Variants in GLIS3 observed in about 807,000 individuals in gnomAD.
GLIS3 encodes the protein GLIS family zinc finger 3.
In GLIS3, 53 loss-of-function variants were observed where a neutral mutation model predicts 78.6. The ratio of observed to expected loss-of-function variants is 0.67; its 90% CI spans 0.54 to 0.85. The LOEUF (loss-of-function observed/expected upper bound fraction) is 0.85, where lower values mean the gene tolerates loss of function less well. Among genes scored for constraint, GLIS3 ranks in the 40% least tolerant of loss-of-function variants. GLIS3 has a pLI of 0.00. For missense variants in GLIS3, 1,703 were observed against 1,231.1 expected, an observed-to-expected ratio of 1.38 and a Z score of -5.74; for synonymous variants, 684 against 509.9, an observed-to-expected ratio of 1.34 and a Z score of -4.60.
At chr9:3,982,132 G>A (rs1043808252) in intron 4 of GLIS3, among the ~76,000 whole-genome samples, 4 of 152,014 alleles carry the variant, frequency 2.6e-5, no homozygotes, top group Non-Finnish European at 5.9e-5. Flanking sequence ...GCATAGAACA[G>A]AAAAGAACAT....
chr9:4,365,412 C>T, the GLIS3 span, among the ~76,000 whole-genome samples: 1 of 151,936 alleles, frequency 6.6e-6, no homozygotes, highest in African/African-American at 2.4e-5. Context: ...AAAAAATTAG[C>T]CTGGCATGGT....
chr9:4,258,841 C>A (rs937767954), intron 2 of GLIS3, among the ~76,000 whole-genome samples: 5 of 152,134 alleles, frequency 3.3e-5, no homozygotes, highest in African/African-American at 1.2e-4. Flanking sequence ...TACTTGCATT[C>A]TTTTCTTTCT....
At chr9:4,443,553 T>A in the GLIS3 span, among the ~76,000 whole-genome samples, 3 of 152,044 alleles carry the variant, frequency 2.0e-5, no homozygotes, top group African/African-American at 7.2e-5. Flanking sequence ...TGTCACCCAT[T>A]TAAGGAGACT....
intron 6 of GLIS3, chr9:3,899,096 T>G: frequency 1.9e-6 from 1 of 530,758 alleles, no homozygotes; most frequent in African/African-American, 1.9e-5. Flanking sequence ...TTCTGGCAAC[T>G]CAACTTCCTA....
At chr9:4,344,202 A>C (rs1207328636) in intron 2 of GLIS3, among the ~76,000 whole-genome samples, 1 of 151,990 alleles carries the variant, frequency 6.6e-6, no homozygotes, top group Non-Finnish European at 1.5e-5. Flanking sequence ...GATAAAATTC[A>C]TATTCACCAT....
At chr9:4,112,181 C>T (rs1237997876) in intron 4 of GLIS3, among the ~76,000 whole-genome samples, 1 of 152,178 alleles carries the variant, frequency 6.6e-6, no homozygotes, top group Admixed American at 6.5e-5. Flanking sequence ...CAAACTTCGA[C>T]TAATAATTGT....
At chr9:4,189,103 A>C (rs7466060) in intron 2 of GLIS3, among the ~76,000 whole-genome samples, 105,995 of 150,662 alleles carry the variant, frequency 0.7, 37,882 homozygotes, top group South Asian at 0.8. Flanking sequence ...TGTCAATTTT[A>C]GATCTTTCCT....
chr9:4,159,030 G>GAAAAAAAAAAAAAAAAA lies in GLIS3; in HGVS notation c.389-33090_389-33089insTTTTTTTTTTTTTTTTT, dbSNP rs141412126. Among the ~76,000 whole-genome samples, 29 of 79,088 alleles carry GAAAAAAAAAAAAAAAAA rather than the reference G, an allele frequency of 3.7e-4. 4 individuals are homozygous for GAAAAAAAAAAAAAAAAA. Among genetic ancestry groups the GAAAAAAAAAAAAAAAAA allele is most frequent in the African/African-American group, 1.2e-3 (25 of 20,588 alleles). 51.9% of individuals were successfully genotyped at this position (79,088 alleles called of 152,430 possible). A position where few individuals can be genotyped will look rare whatever the true frequency, so the allele number is the denominator to read the frequency against. ...GCTTGGTATGCTAGAGAAAGGAGAA[G>GAAAAAAAAAAAAAAAAA]AAGAAAAAAAAAAAAAAAAGCCAGG... On this transcript the variant is annotated intron_variant, in intron 2 of 10. Transcript: ENST00000381971.
rs182778352 is a variant in GLIS3 at position 4,141,383 on chromosome 9, C to A, written c.389-15442G>T. On this transcript the variant is annotated intron_variant, in intron 2 of 10. Transcript: ENST00000381971. ...GCCTGGGCTCCCAGCTCCAGCAAAA[C>A]CTCCTGTGTCCAAGCAATGCACAGA... is the stretch of plus-strand genomic sequence containing the variant. Among the ~76,000 whole-genome samples, 238 of 152,310 alleles carry A rather than the reference C, an allele frequency of 1.6e-3. 2 individuals carry two copies. The highest frequency in any genetic ancestry group is 5.2e-3 in the African/African-American group (216 of 41,568).
intron 6 of GLIS3, among the ~76,000 whole-genome samples, chr9:3,904,665 G>A (rs73386103): frequency 0.012 from 1,768 of 152,224 alleles, 35 homozygotes; most frequent in African/African-American, 0.04. Context: ...TCAACAGGAA[G>A]CACTTTTAAA....
At chr9:4,013,165 TG>T (rs1822169522) in intron 4 of GLIS3, among the ~76,000 whole-genome samples, 1 of 152,128 alleles carries the variant, frequency 6.6e-6, no homozygotes, top group Non-Finnish European at 1.5e-5. Flanking sequence ...TTGGGTTCTC[TG>T]GTGGCCCGTG....
At chr9:4,373,583 T>C in the GLIS3 span, among the ~76,000 whole-genome samples, 1 of 152,220 alleles carries the variant, frequency 6.6e-6, no homozygotes, top group East Asian at 1.9e-4. Flanking sequence ...CCTGGCCAAG[T>C]TATCCTTTTG....
chr9:4,418,882 A>T, the GLIS3 span, among the ~76,000 whole-genome samples: 75 of 152,256 alleles, frequency 4.9e-4, 1 homozygote, highest in Middle Eastern at 6.8e-3. Context: ...AGGACAGGGG[A>T]TGGGAACATT....
chr9:4,125,828 C>T lies in GLIS3; in HGVS notation c.502G>A (p.Ala168Thr), dbSNP rs772134043. 1.2e-6 allele frequency: 2 copies of T among 1,614,076 alleles called. No homozygotes were observed. Among genetic ancestry groups the T allele is most frequent in the East Asian group, 4.5e-5 (2 of 44,876 alleles). ...VQRLGLISPP[A>T]SQVSTACNQI... is the part of the protein sequence containing the mutation. The stretch of plus-strand genomic sequence containing the variant: ...TTGCATGCTGTAGAGACCTGGCTTG[C>T]TGGAGGTGAAATGAGTCCCAGTCGC... Residue 168 changes from alanine (A) to threonine (T), a missense_variant, in exon 3 of 11, where the codon GCA becomes ACA. By Grantham distance (58) the Ala-to-Thr change is moderately conservative. Coordinates refer to ENST00000381971, the MANE Select transcript of GLIS3 (RefSeq NM_001042413.2).
At chr9:4,354,970 C>T in the GLIS3 span, among the ~76,000 whole-genome samples, 1 of 151,528 alleles carries the variant, frequency 6.6e-6, no homozygotes, top group South Asian at 2.1e-4. Flanking sequence ...CCAAAAATTA[C>T]CCAGGCGTGG....
rs1281410945 is a variant in GLIS3 at position 4,019,354 on chromosome 9, G to A, written c.1711-82165C>T. ...AGCCAGCAAAGAAATACAGAGGTAGGAATAGACACCACATGTAGATCTGTG... is the reference window on the plus strand; with the variant it reads ...AGCCAGCAAAGAAATACAGAGGTAGAAATAGACACCACATGTAGATCTGTG... On this transcript the variant is annotated intron_variant, in intron 4 of 10. Transcript: ENST00000381971. Among the ~76,000 whole-genome samples the A allele has an allele frequency of 2.0e-5, 3 of 152,124 alleles. No homozygotes were observed. The East Asian group carries it at 5.8e-4, about 29-fold the overall frequency.
At chr9:4,137,697 A>G (rs920383811) in intron 2 of GLIS3, among the ~76,000 whole-genome samples, 4 of 152,198 alleles carry the variant, frequency 2.6e-5, no homozygotes, top group Non-Finnish European at 5.9e-5. Context: ...CAGCTATTGT[A>G]TATCAATTAT....
At chr9:3,964,553 C>G (rs1817788453) in intron 4 of GLIS3, among the ~76,000 whole-genome samples, 1 of 152,176 alleles carries the variant, frequency 6.6e-6, no homozygotes, top group African/African-American at 2.4e-5. Context: ...CTGAAGATGA[C>G]TAGCCAGAAA....
intron 4 of GLIS3, among the ~76,000 whole-genome samples, chr9:4,091,676 T>C (rs976737700): frequency 1.3e-5 from 2 of 152,164 alleles, no homozygotes; most frequent in Non-Finnish European, 2.9e-5. Context: ...TTCGCTCGAC[T>C]CTCACTTCTC....
Sources: gnomAD v4.1 joint callset for allele counts (sites outside exome capture counted in the v4.1 genomes callset) on GRCh38, gnomAD v4.1.1 for gene constraint, MANE v1.5 for transcripts, NCBI Gene and HGNC (gene_info 2026-07-23, HGNC 2026-07-21) for gene names.